Variants in SEMA3E observed in about 807,000 individuals in gnomAD.
The protein encoded by SEMA3E is semaphorin 3E.
In SEMA3E, 49 loss-of-function variants were observed where a neutral mutation model predicts 93.6. That is an observed-to-expected ratio of 0.52 (90% confidence interval 0.42 to 0.66). The LOEUF is 0.66. SEMA3E is among the 30% of genes least tolerant of loss of function. The pLI is 0.00. For missense variants in SEMA3E, 906 were observed against 964.8 expected, an observed-to-expected ratio of 0.94 and a Z score of 0.81; for synonymous variants, 363 against 330.7, an observed-to-expected ratio of 1.10 and a Z score of -1.06.
chr7:83,528,422 G>A (rs866547573), intron 1 of SEMA3E, among the ~76,000 whole-genome samples: 16 of 152,102 alleles, frequency 1.1e-4, no homozygotes, highest in South Asian at 6.2e-4. Context: ...GACTAGCTGG[G>A]ATTTATGAGA....
intron 1 of SEMA3E, among the ~76,000 whole-genome samples, chr7:83,596,915 A>C (rs1335083121): frequency 6.6e-6 from 1 of 152,092 alleles, no homozygotes; most frequent in East Asian, 1.9e-4. Context: ...GTTTTAGGAA[A>C]CTCTTCATCC....
chr7:83,567,564 G>A (rs1460970583), intron 1 of SEMA3E, among the ~76,000 whole-genome samples: 3 of 151,986 alleles, frequency 2.0e-5, no homozygotes, highest in African/African-American at 7.2e-5. Context: ...TATCTTCTGA[G>A]ATCAAAATGG....
chr7:83,401,893 C>G (rs1406388839), intron 10 of SEMA3E, among the ~76,000 whole-genome samples: 1 of 152,000 alleles, frequency 6.6e-6, no homozygotes, highest in African/African-American at 2.4e-5. Flanking sequence ...TTTTTCCAAC[C>G]TAGTTGCACA....
chr7:83,546,321 GGTGT>G (rs67647992), intron 1 of SEMA3E, among the ~76,000 whole-genome samples: 6,630 of 129,330 alleles, frequency 0.051, 179 homozygotes, highest in South Asian at 0.054. Context: ...TATAATAAGG[GGTGT>G]GTGTGTGTGT....
rs1049236480 is a variant in SEMA3E, at chr7:83,418,471, G to C, written c.469C>G (p.His157Asp). Residue 157 changes from histidine (H) to aspartate (D), a missense_variant, in exon 5 of 17, where the codon CAC becomes GAC. By Grantham distance (81) the His-to-Asp change is moderately conservative (BLOSUM62 -1). Coordinates refer to ENST00000643230, the MANE Select transcript of SEMA3E (RefSeq NM_012431.3). ...VGYHLEDPLF[H>D]LESPRSERGR... ...CTCTCAGATCTGGGTGATTCCAGGT[G>C]AAACAGAGGATCCTTGAAAGAAAAC... is the stretch of plus-strand genomic sequence containing the variant. 1 of 1,610,342 alleles carries C rather than the reference G, an allele frequency of 6.2e-7. No homozygotes were observed.
intron 5 of SEMA3E, among the ~76,000 whole-genome samples, chr7:83,412,179 C>T (rs562887665): frequency 2.0e-5 from 3 of 152,176 alleles, no homozygotes; most frequent in South Asian, 2.1e-4. Context: ...GGTTATTGTC[C>T]GCTTTTTCCA....
At chr7:83,624,190 T>C (rs1183838246) in intron 1 of SEMA3E, among the ~76,000 whole-genome samples, 1 of 152,216 alleles carries the variant, frequency 6.6e-6, no homozygotes, top group African/African-American at 2.4e-5. Flanking sequence ...AACATACATG[T>C]GCATGTGTCT....
intron 1 of SEMA3E, chr7:83,616,646 T>A (rs1793372546): frequency 2.3e-5 from 10 of 435,574 alleles, no homozygotes; most frequent in South Asian, 1.7e-4. Context: ...CTCCTCCATG[T>A]CTTTTCTTCA....
chr7:83,629,829 TG>T, intron 1 of SEMA3E, among the ~76,000 whole-genome samples: 1 of 152,212 alleles, frequency 6.6e-6, no homozygotes, highest in African/African-American at 2.4e-5. Context: ...CAGGCACCAC[TG>T]GGGTATGAAA....
At chr7:83,445,163 T>C (rs1324141780) in intron 4 of SEMA3E, among the ~76,000 whole-genome samples, 1 of 152,170 alleles carries the variant, frequency 6.6e-6, no homozygotes, top group Non-Finnish European at 1.5e-5. Context: ...AGATGCACCT[T>C]GAGTGGAAGA....
intron 16 of SEMA3E, among the ~76,000 whole-genome samples, chr7:83,376,658 T>C (rs1030834677): frequency 1.3e-5 from 2 of 152,022 alleles, no homozygotes; most frequent in Non-Finnish European, 2.9e-5. Flanking sequence ...AATTTTGGTA[T>C]TGAGTAAAAC....
chr7:83,518,742 T>G (rs1180457677), intron 1 of SEMA3E, among the ~76,000 whole-genome samples: 1 of 152,120 alleles, frequency 6.6e-6, no homozygotes, highest in East Asian at 1.9e-4. Flanking sequence ...TGCTTGGTGA[T>G]GCCCAAAGCA....
chr7:83,577,217 C>CAGAT (rs561215245), intron 1 of SEMA3E, among the ~76,000 whole-genome samples: 5 of 152,170 alleles, frequency 3.3e-5, no homozygotes, highest in African/African-American at 2.4e-5. Context: ...TAGAGATAAA[C>CAGAT]AGATAGATAG....
At chr7:83,439,268 G>A (rs1789063483) in intron 4 of SEMA3E, among the ~76,000 whole-genome samples, 1 of 152,084 alleles carries the variant, frequency 6.6e-6, no homozygotes, top group Non-Finnish European at 1.5e-5. Context: ...AGGAATTGCT[G>A]GTAAAAGAAA....
In SEMA3E at chr7:83,620,044, T is replaced by C. The variant is rs141302404; in HGVS notation, c.115+28384A>G. Among the ~76,000 whole-genome samples the C allele has an allele frequency of 1.2e-4, 19 of 152,044 alleles. No homozygotes were observed. In the East Asian group the frequency reaches 3.7e-3, roughly 29 times the overall value. On this transcript the variant is annotated intron_variant, in intron 1 of 16. Transcript: ENST00000643230. ...TGCTCACTGAAAGTAGTTAAATAAA[T>C]GATCTATTCTTTATTTAATAAGTCC... is the stretch of plus-strand genomic sequence containing the variant.
At chr7:83,567,231 G>A (rs1006486471) in intron 1 of SEMA3E, among the ~76,000 whole-genome samples, 2 of 152,142 alleles carry the variant, frequency 1.3e-5, no homozygotes, top group Non-Finnish European at 2.9e-5. Context: ...AAACGTATAT[G>A]TGCCCAACGG....
intron 1 of SEMA3E, among the ~76,000 whole-genome samples, chr7:83,606,087 A>G (rs1311855241): frequency 6.6e-6 from 1 of 152,200 alleles, no homozygotes; most frequent in African/African-American, 2.4e-5. Flanking sequence ...AGCAGCAATC[A>G]TTACATGTTT....
At chr7:83,552,092 C>T (rs1379060879) in intron 1 of SEMA3E, among the ~76,000 whole-genome samples, 3 of 152,176 alleles carry the variant, frequency 2.0e-5, no homozygotes, top group East Asian at 3.9e-4. Context: ...CATATATACT[C>T]CCTCACTCTT....
intron 1 of SEMA3E, among the ~76,000 whole-genome samples, chr7:83,593,827 G>A (rs747437469): frequency 7.2e-5 from 11 of 152,040 alleles, no homozygotes; most frequent in Non-Finnish European, 1.3e-4. Context: ...CAAGAGCAGT[G>A]TATCCATATA....
Sources: gnomAD v4.1 joint callset for allele counts (sites outside exome capture counted in the v4.1 genomes callset) on GRCh38, gnomAD v4.1.1 for gene constraint, MANE v1.5 for transcripts, NCBI Gene and HGNC (gene_info 2026-07-23, HGNC 2026-07-21) for gene names.